Variants in NPAS1 observed in about 807,000 individuals in gnomAD.
NPAS1 encodes the protein neuronal PAS domain protein 1.
NPAS1 carries 29 observed loss-of-function variants against 49.2 expected under a neutral mutation model. The ratio of observed to expected loss-of-function variants is 0.59; its 90% CI spans 0.44 to 0.80. NPAS1 has a LOEUF of 0.80. Among genes scored for constraint, NPAS1 ranks in the 30% least tolerant of loss-of-function variants. The pLI is 0.00. For synonymous variants in NPAS1, 408 were observed against 380.4 expected, an observed-to-expected ratio of 1.07 and a Z score of -0.84; for missense variants, 825 against 835.5, an observed-to-expected ratio of 0.99 and a Z score of 0.15.
chr19:47,039,676 T>C (rs910407927), intron 8 of NPAS1, 112 bp downstream of exon 8: 18 of 1,209,282 alleles, frequency 1.5e-5, no homozygotes, highest in Non-Finnish European at 1.9e-5. Context: ...TGGGGAGCCA[T>C]GGGAGGCGGA....
At chr19:47,030,311 G>C (rs8101825) in intron 3 of NPAS1, among the ~76,000 whole-genome samples, 103,507 of 151,736 alleles carry the variant, frequency 0.68, 35,470 homozygotes, top group African/African-American at 0.71. Context: ...CATGAGCCAC[G>C]GCGCCTGGCC....
chr19:47,040,815 C>G, intron 9 of NPAS1, 163 bp from the exon 10 acceptor site: 1 of 674,982 alleles, frequency 1.5e-6, no homozygotes, highest in East Asian at 2.9e-5. Flanking sequence ...CTCAGTCTCT[C>G]TGACTCTGCC....
intron 4 of NPAS1, 101 bp downstream of exon 4, chr19:47,032,452 C>T: frequency 7.5e-7 from 1 of 1,330,150 alleles, no homozygotes; most frequent in Admixed American, 1.8e-5. Context: ...GTGGGGGGTA[C>T]CTGGACTGGG....
chr19:47,042,084 G>A (rs1490519711), intron 10 of NPAS1, among the ~76,000 whole-genome samples: 4 of 150,984 alleles, frequency 2.6e-5, no homozygotes, highest in Non-Finnish European at 5.9e-5. Context: ...GAGGTGGGTG[G>A]ATCACGAGGT....
In NPAS1 at chr19:47,045,541, C is replaced by A; in HGVS notation, c.1663C>A (p.His555Asn). Residue 555 changes from histidine (H) to asparagine (N), a missense_variant, in exon 12 of 12, where the codon CAC (histidine) becomes AAC (asparagine). By Grantham distance (68) the His-to-Asn change is moderately conservative. Coordinates refer to ENST00000602212, the MANE Select transcript of NPAS1 (RefSeq NM_002517.4). ...CGCGGAGCTGGGCCTGGTGTACCCG[C>A]ACCTGCAGAGGCTGGGTCCGGGCCC... ...GPAELGLVYP[H>N]LQRLGPGPAL... is the part of the protein sequence containing the mutation. 1 of 1,527,454 alleles carries A rather than the reference C, an allele frequency of 6.5e-7. No homozygotes were observed. The highest frequency in any genetic ancestry group is 8.7e-7 in the Non-Finnish European group (1 of 1,144,104). The allele number at this position is 1,527,454 out of a possible 1,614,324, so 94.6% of individuals were successfully genotyped here. A position where few individuals can be genotyped will look rare whatever the true frequency, so the allele number is the denominator to read the frequency against.
chr19:47,033,891 G>T (rs1363388798), intron 5 of NPAS1, among the ~76,000 whole-genome samples: 1 of 143,694 alleles, frequency 7.0e-6, no homozygotes, highest in Non-Finnish European at 1.5e-5. Flanking sequence ...TGGGAGGATC[G>T]CTTGAGCCCA....
At chr19:47,029,463 G>A (rs1279863781) in intron 3 of NPAS1, among the ~76,000 whole-genome samples, 1 of 151,022 alleles carries the variant, frequency 6.6e-6, no homozygotes, top group East Asian at 2.0e-4. Flanking sequence ...GCAGTGGTGG[G>A]ATCTCAGCTC....
rs1236037003 is a variant in NPAS1, at chr19:47,036,005, T to A, written c.564T>A (p.Pro188=). 7 of 1,581,970 alleles carry A rather than the reference T, an allele frequency of 4.4e-6. No individual in the cohort carries two copies. The highest frequency in any genetic ancestry group is 5.1e-6 in the Non-Finnish European group (6 of 1,165,836). ...TGSSVFDYIH[P]GDHSEVLEQL... ...GCAGCGTCTTCGACTACATTCACCCTGGGGACCACTCAGAGGTGCTGGAGC... is the reference window on the plus strand; with the variant it reads ...GCAGCGTCTTCGACTACATTCACCCAGGGGACCACTCAGAGGTGCTGGAGC... The change falls in exon 6 of 12, where the codon CCT becomes CCA. Residue 188 remains proline, a synonymous_variant. Coordinates refer to ENST00000602212, the MANE Select transcript of NPAS1 (RefSeq NM_002517.4).
At chr19:47,038,703 T>G (rs1200084356) in intron 6 of NPAS1, among the ~76,000 whole-genome samples, 1 of 152,108 alleles carries the variant, frequency 6.6e-6, no homozygotes, top group Non-Finnish European at 1.5e-5. Flanking sequence ...AGCATGTGCC[T>G]GTAATCCCAG....
chr19:47,045,057 C>A lies in NPAS1; in HGVS notation c.1313-134C>A, dbSNP rs1004721358. The A allele has an allele frequency of 6.0e-5, 52 of 864,726 alleles. No homozygotes were observed. The African/African-American group carries it at 9.4e-4, about 16-fold the overall frequency. The allele number at this position is 864,726 out of a possible 1,614,324, so 53.6% of individuals were successfully genotyped here. A position where few individuals can be genotyped will look rare whatever the true frequency, so the allele number is the denominator to read the frequency against. On this transcript the variant is annotated intron_variant, in intron 11 of 11. Coordinates refer to ENST00000602212, the MANE Select transcript of NPAS1 (RefSeq NM_002517.4). ...AAAAAAACAAAAAACAAAAACAAAA[C>A]AAACAAACAAAAAAAAAAACCCCAC...
In NPAS1 at chr19:47,035,830, C is replaced by CTTT. The variant is rs970257120; in HGVS notation, c.523-132_523-130dup. On this transcript the variant is annotated intron_variant, in intron 5 of 11. Coordinates refer to ENST00000602212, the MANE Select transcript of NPAS1 (RefSeq NM_002517.4). Reference sequence around the variant, plus strand: ...AAAGGTAATTGTTTTTTGTTTTTTTCTTTTCTTAAAAAAACACACTGGCAT... The same window carrying CTTT: ...AAAGGTAATTGTTTTTTGTTTTTTTCTTTTTTTCTTAAAAAAACACACTGGCAT... 10 of 900,060 alleles carry CTTT rather than the reference C, an allele frequency of 1.1e-5. No individual in the cohort carries two copies. In the African/African-American group the frequency reaches 1.4e-4, roughly 12 times the overall value. 55.8% of individuals were successfully genotyped at this position (900,060 alleles called of 1,614,324 possible).
chr19:47,037,583 G>A (rs2056970562), intron 6 of NPAS1, among the ~76,000 whole-genome samples: 1 of 152,020 alleles, frequency 6.6e-6, no homozygotes, highest in Non-Finnish European at 1.5e-5. Flanking sequence ...CACTGTGTAT[G>A]GGAGGGAGGG....
intron 3 of NPAS1, among the ~76,000 whole-genome samples, chr19:47,024,890 A>G (rs564923834): frequency 4.3e-5 from 6 of 138,242 alleles, no homozygotes; most frequent in South Asian, 2.3e-4. Flanking sequence ...GCTCACTGCA[A>G]TCTCCGCCTC....
Position 47,042,853 on chromosome 19 carries a change from C to A in NPAS1, c.1261C>A (p.Pro421Thr). The stretch of plus-strand genomic sequence containing the variant: ...AACTCCTTTGGATGCCTTCCAGCTT[C>A]CAGCCAGCGTGGCCTGTGAGGAGGC... ...GQTPLDAFQL[P>T]ASVACEEASS... is the part of the protein sequence containing the mutation. Residue 421 changes from proline to threonine, a missense_variant, in exon 11 of 12, where the codon CCA (proline) becomes ACA (threonine). Transcript: ENST00000602212. The A allele has an allele frequency of 6.2e-7, 1 of 1,606,588 alleles. No homozygotes were observed. The highest frequency in any genetic ancestry group is 8.5e-7 in the Non-Finnish European group (1 of 1,176,758).
intron 3 of NPAS1, among the ~76,000 whole-genome samples, chr19:47,031,523 T>TAG (rs375364225): frequency 1.7e-4 from 1 of 5,894 alleles, no homozygotes. Context: ...TTTCTCTCTT[T>TAG]TTTCTTTCTT....
intron 6 of NPAS1, among the ~76,000 whole-genome samples, chr19:47,037,794 G>C (rs1333008688): frequency 6.6e-6 from 1 of 152,214 alleles, no homozygotes; most frequent in African/African-American, 2.4e-5. Context: ...TTGTACCTGA[G>C]TTTTAGGCAC....
At chr19:47,032,386 G>C (rs2056912566) in intron 4 of NPAS1, 35 bp downstream of exon 4, 1 of 1,607,758 alleles carries the variant, frequency 6.2e-7, no homozygotes, top group African/African-American at 1.3e-5. Flanking sequence ...GCCGCTCCTT[G>C]CTACCACCTA....
At chr19:47,036,521 A>G (rs2056958264) in intron 6 of NPAS1, among the ~76,000 whole-genome samples, 1 of 152,152 alleles carries the variant, frequency 6.6e-6, no homozygotes, top group Admixed American at 6.6e-5. Flanking sequence ...GGGGCGGATC[A>G]CTTGAGCTCG....
At chr19:47,043,363 G>A (rs139050886) in intron 11 of NPAS1, among the ~76,000 whole-genome samples, 6 of 151,752 alleles carry the variant, frequency 4.0e-5, no homozygotes, top group African/African-American at 1.5e-4. Context: ...GCCGAGGCAG[G>A]CAGATCACCA....
Sources: allele counts gnomAD v4.1 joint callset (sites outside exome capture counted in the v4.1 genomes callset), GRCh38; gene constraint gnomAD v4.1.1; transcripts MANE v1.5; gene names NCBI Gene and HGNC (gene_info 2026-07-23, HGNC 2026-07-21).